Variants in LGALS8 observed in about 807,000 individuals in gnomAD.
LGALS8 encodes the protein galectin 8.
LGALS8 carries 30 observed loss-of-function variants against 35.9 expected under a neutral mutation model. The observed-to-expected ratio is 0.83, with a 90% CI of 0.62 to 1.13. The LOEUF (loss-of-function observed/expected upper bound fraction) is 1.13. Among genes scored for constraint, LGALS8 ranks in the 50% most tolerant of loss-of-function variants. The pLI is 0.00. For synonymous variants in LGALS8, 138 were observed against 136.1 expected (o/e 1.01, Z -0.10); for missense variants, 366 against 388.7 (o/e 0.94, Z 0.49).
chr1:236,530,877 C>G (rs954837629), intron 2 of LGALS8, among the ~76,000 whole-genome samples: 1 of 152,194 alleles, frequency 6.6e-6, no homozygotes, highest in Non-Finnish European at 1.5e-5. Context: ...CATTTTCCTT[C>G]TACCCTGGTA....
chr1:236,540,229 GGCACCTGT>G (rs1263311481), intron 4 of LGALS8: 1 of 223,562 alleles, frequency 4.5e-6, no homozygotes, highest in African/African-American at 2.3e-5. Context: ...CAATCTCCAG[GGCACCTGT>G]GCCTGGGCTT....
Position 236,528,238 on chromosome 1 carries a change from C to T in LGALS8, c.45+2123C>T, listed in dbSNP as rs1468112558. Among the ~76,000 whole-genome samples, 3 of 151,714 alleles carry T rather than the reference C, an allele frequency of 2.0e-5. No homozygotes were observed. In the East Asian group the frequency reaches 5.9e-4, roughly 30 times the overall value. On this transcript the variant is annotated intron_variant, in intron 2 of 9. Transcript: ENST00000366584. ...TCTACTTAAAAATACAAAAATTAGC[C>T]AGGCGTGATGGCAGCCTCCTGTAAT...
chr1:236,550,930 AG>A lies in LGALS8; in HGVS notation c.*2771del. 6.2e-7 allele frequency: 1 copy of A among 1,611,556 alleles called. No individual in the cohort carries two copies. Among genetic ancestry groups the A allele is most frequent in the Non-Finnish European group, 8.5e-7 (1 of 1,179,234 alleles). On this transcript the variant is annotated 3_prime_UTR_variant, in exon 10 of 10. Coordinates refer to ENST00000366584, the MANE Select transcript of LGALS8 (RefSeq NM_201544.4). ...GAAATAGCTCTGGAGTGGCTCTCCC[AG>A]GACAGTTTCCAGTTGCTGAATAGTC...
At chr1:236,540,536 G>C in intron 4 of LGALS8, 28 bp from the exon 5 acceptor site, 1 of 1,515,154 alleles carries the variant, frequency 6.6e-7, no homozygotes, top group Non-Finnish European at 8.8e-7. Context: ...TGGTGGCGGG[G>C]GGGGCTCTGT....
chr1:236,533,935 G>GATGCAGCTCCCTCTGACCCTGC (rs1472401697), intron 2 of LGALS8, among the ~76,000 whole-genome samples: 1 of 152,002 alleles, frequency 6.6e-6, no homozygotes, highest in African/African-American at 2.4e-5. Context: ...TCTGACCCTG[G>GATGCAGCTCCCTCTGACCCTGC]ATGCAGCTCC....
At chr1:236,529,200 C>G (rs1222778992) in intron 2 of LGALS8, among the ~76,000 whole-genome samples, 1 of 152,030 alleles carries the variant, frequency 6.6e-6, no homozygotes, top group Non-Finnish European at 1.5e-5. Flanking sequence ...TTGCTTGAGC[C>G]CAGGAGGTTG....
intron 1 of LGALS8, among the ~76,000 whole-genome samples, chr1:236,525,098 C>T (rs549156316): frequency 2.0e-5 from 3 of 152,316 alleles, no homozygotes; most frequent in East Asian, 1.9e-4. Context: ...TGCTTTCCAA[C>T]ACTCCCCTGC....
At chr1:236,542,461 C>A in intron 6 of LGALS8, 1 of 415,968 alleles carries the variant, frequency 2.4e-6, no homozygotes. Context: ...GTGTGGATGA[C>A]AGAGTAAGAC....
intron 2 of LGALS8, among the ~76,000 whole-genome samples, chr1:236,528,979 A>T (rs1173800154): frequency 6.6e-6 from 1 of 152,234 alleles, no homozygotes; most frequent in African/African-American, 2.4e-5. Flanking sequence ...AAGACTTAAA[A>T]AAGTCAGGCT....
chr1:236,550,875 G>T lies in LGALS8; in HGVS notation c.*2714G>T. ...TATGAAATATGAGTGTGAACTCTGA[G>T]TAGAGTATGAAACACCACAGAAAGT... On this transcript the variant is annotated 3_prime_UTR_variant, in exon 10 of 10. Transcript: ENST00000366584. The T allele has an allele frequency of 1.3e-6, 2 of 1,522,440 alleles. No homozygotes were observed. Among genetic ancestry groups the T allele is most frequent in the African/African-American group, 1.4e-5 (1 of 71,222 alleles). The allele number at this position is 1,522,440 out of a possible 1,614,324, so 94.3% of individuals were successfully genotyped here. A position where few individuals can be genotyped will look rare whatever the true frequency, so the allele number is the denominator to read the frequency against.
intron 1 of LGALS8, among the ~76,000 whole-genome samples, chr1:236,525,205 G>A (rs1660747546): frequency 6.6e-6 from 1 of 152,098 alleles, no homozygotes; most frequent in Admixed American, 6.6e-5. Flanking sequence ...TTAAATTGGA[G>A]GAGGAAGAGC....
chr1:236,520,120 C>G (rs565651016), upstream of LGALS8, among the ~76,000 whole-genome samples: 12 of 151,874 alleles, frequency 7.9e-5, no homozygotes, highest in South Asian at 2.3e-3. Flanking sequence ...CAAGGCCCAG[C>G]TAATTATTGT....
At chr1:236,545,742 A>G (rs1319062489) in intron 9 of LGALS8, among the ~76,000 whole-genome samples, 10 of 150,742 alleles carry the variant, frequency 6.6e-5, no homozygotes, top group African/African-American at 2.4e-4. Context: ...TGTGGAGTGT[A>G]GACAGATGTG....
intron 2 of LGALS8, among the ~76,000 whole-genome samples, chr1:236,528,351 C>T (rs1249230962): frequency 3.4e-5 from 5 of 148,192 alleles, no homozygotes; most frequent in African/African-American, 1.2e-4. Flanking sequence ...CACTGCACTC[C>T]AGCCTGGGTG....
Position 236,539,092 on chromosome 1 carries a change from A to C in LGALS8, c.345+3A>C. 1 of 1,612,916 alleles carries C rather than the reference A, an allele frequency of 6.2e-7. No homozygotes were observed. The highest frequency in any genetic ancestry group is 8.5e-7 in the Non-Finnish European group (1 of 1,179,470). ...TGGTGCTGAAGGACAAATTCCAGGT[A>C]GGTTTTGGAGAGGGACAGGTTGAGT... On this transcript the variant is annotated splice_donor_region_variant and intron_variant, in intron 4 of 9. Transcript: ENST00000366584.
chr1:236,532,568 G>A (rs1427478763), intron 2 of LGALS8, among the ~76,000 whole-genome samples: 2 of 152,160 alleles, frequency 1.3e-5, no homozygotes, highest in South Asian at 2.1e-4. Context: ...CAGGCCAGGC[G>A]CGGTGGCTCA....
intron 2 of LGALS8, among the ~76,000 whole-genome samples, chr1:236,528,534 T>C (rs1660952926): frequency 6.8e-6 from 1 of 147,880 alleles, no homozygotes; most frequent in Non-Finnish European, 1.5e-5. Context: ...TTTTATTTCA[T>C]TAATGTTTCC....
At position 236,544,784 on chromosome 1, in the gene LGALS8, G is replaced by C. The variant is rs1448751011; in HGVS notation, c.673G>C (p.Asp225His). The stretch of plus-strand genomic sequence containing the variant: ...TGACCTACTAGCAGGAAAATCAAAG[G>C]ATATTGCTCTACACTTGAACCCACG... ...NVDLLAGKSK[D>H]IALHLNPRLN... The change falls in exon 9 of 10, where the codon GAT (aspartate) becomes CAT (histidine). Residue 225 changes from aspartate to histidine, a missense_variant. Physicochemically the swap from Asp to His is moderately conservative, Grantham distance 81. Coordinates refer to ENST00000366584, the MANE Select transcript of LGALS8 (RefSeq NM_201544.4). The C allele has an allele frequency of 1.2e-6, 2 of 1,610,348 alleles. No individual in the cohort carries two copies. The highest frequency in any genetic ancestry group is 2.2e-5 in the South Asian group (2 of 89,756).
intron 9 of LGALS8, among the ~76,000 whole-genome samples, chr1:236,547,704 G>T (rs1269470851): frequency 6.6e-6 from 1 of 152,176 alleles, no homozygotes; most frequent in Non-Finnish European, 1.5e-5. Context: ...GGCTTTCCAG[G>T]AGCAAGGGGC....
Sources: allele counts gnomAD v4.1 joint callset (sites outside exome capture counted in the v4.1 genomes callset), GRCh38; gene constraint gnomAD v4.1.1; transcripts MANE v1.5; gene names NCBI Gene and HGNC (gene_info 2026-07-23, HGNC 2026-07-21).